SRCIN1: variants seen among roughly 807,000 people sequenced by gnomAD.
SRCIN1 encodes the protein P130Cas-associated protein.
A neutral mutation model predicts 116.2 loss-of-function variants in SRCIN1; 50 were observed. The ratio of observed to expected loss-of-function variants is 0.43; its 90% CI spans 0.34 to 0.54. The LOEUF (loss-of-function observed/expected upper bound fraction) is 0.54, where lower values mean the gene tolerates loss of function less well. SRCIN1 is among the 20% of genes least tolerant of loss of function. SRCIN1 has a pLI of 0.02. For missense variants in SRCIN1, 1,446 were observed against 1,672.0 expected, an observed-to-expected ratio of 0.86 and a Z score of 2.36; for synonymous variants, 736 against 750.0, an observed-to-expected ratio of 0.98 and a Z score of 0.30.
At chr17:38,605,992 G>GGC (rs1451953577), upstream of SRCIN1, 15 of 144,032 alleles carry the variant, frequency 1.0e-4, no homozygotes, top group Admixed American at 8.9e-4. Context: ...ACTGCGGGCG[G>GGC]GCGCGCGCGC....
Position 38,563,571 on chromosome 17 carries a change from C to G in SRCIN1, c.542-50G>C. ...TGTCACTGCTGCCGTCTCCACGCCG[C>G]CCTCCAGGAGAGCGCGGGGAGCTTT... On this transcript the variant is annotated intron_variant, in intron 4 of 18. Coordinates refer to ENST00000617146, the MANE Select transcript of SRCIN1 (RefSeq NM_025248.3). This position sits in a 1 kb window ranked among gnomAD's most constrained non-coding sequence, Gnocchi z 5.8. 1 of 1,538,188 alleles carries G rather than the reference C, an allele frequency of 6.5e-7. No individual in the cohort carries two copies. Among genetic ancestry groups the G allele is most frequent in the Non-Finnish European group, 8.7e-7 (1 of 1,145,778 alleles).
chr17:38,577,030 A>G (rs1289624687), intron 2 of SRCIN1, among the ~76,000 whole-genome samples: 2 of 152,166 alleles, frequency 1.3e-5, no homozygotes, highest in African/African-American at 2.4e-5. Context: ...CCTCTGTGCC[A>G]GTTCCCAAAC....
intron 11 of SRCIN1, among the ~76,000 whole-genome samples, chr17:38,556,311 T>TA (rs993243043): frequency 6.6e-6 from 1 of 152,386 alleles, no homozygotes; most frequent in South Asian, 2.1e-4. Context: ...GTGGCATACC[T>TA]ACAAAGCTGG....
chr17:38,542,867 C>A (rs1308657756), intron 18 of SRCIN1: 8 of 338,700 alleles, frequency 2.4e-5, no homozygotes, highest in Non-Finnish European at 4.7e-5. Flanking sequence ...AGTCTAGAAC[C>A]TTCTCTAACG....
Position 38,559,847 on chromosome 17 carries a change from T to TCC in SRCIN1, c.1838-77_1838-76dup, listed in dbSNP as rs1302720624. 2.8e-6 allele frequency: 4 copies of TCC among 1,444,918 alleles called. No homozygotes were observed. The Admixed American group carries it at 7.5e-5, about 27-fold the overall frequency. The allele number at this position is 1,444,918 out of a possible 1,614,324, so 89.5% of individuals were successfully genotyped here. The stretch of plus-strand genomic sequence containing the variant: ...GAAGGACTGGGCTGGGACAAAGTCC[T>TCC]CCCTACTCTCCGACCCCACACAGTA... On this transcript the variant is annotated intron_variant, in intron 9 of 18. Coordinates refer to ENST00000617146, the MANE Select transcript of SRCIN1 (RefSeq NM_025248.3).
intron 11 of SRCIN1, among the ~76,000 whole-genome samples, chr17:38,553,169 A>G (rs1038890695): frequency 2.6e-5 from 4 of 152,110 alleles, no homozygotes; most frequent in Non-Finnish European, 4.4e-5. Context: ...GGCAGGGGGA[A>G]TCACTTGAGC....
chr17:38,586,730 G>GCAAA (rs1908136052), intron 1 of SRCIN1, among the ~76,000 whole-genome samples: 2 of 152,220 alleles, frequency 1.3e-5, no homozygotes, highest in African/African-American at 4.8e-5. Flanking sequence ...CAGCTAGGGA[G>GCAAA]GGTGCAGGGC....
chr17:38,550,734 T>C lies in SRCIN1; in HGVS notation c.2962+421A>G, dbSNP rs115579470. Among the ~76,000 whole-genome samples the C allele has an allele frequency of 8.0e-3, 1,216 of 152,348 alleles. 16 individuals carry two copies. The highest frequency in any genetic ancestry group is 0.029 in the African/African-American group (1,185 of 41,574). On this transcript the variant is annotated intron_variant, in intron 15 of 18. Coordinates refer to ENST00000617146, the MANE Select transcript of SRCIN1 (RefSeq NM_025248.3). ...AGGAATGAATAAAATGAAGGAATGA[T>C]GACTGCCACTTCTGGTCTGGATTTC...
chr17:38,582,764 C>T (rs767876129), intron 1 of SRCIN1, among the ~76,000 whole-genome samples: 2 of 152,160 alleles, frequency 1.3e-5, no homozygotes, highest in Non-Finnish European at 2.9e-5. Flanking sequence ...AGCTGAGGCT[C>T]GGGGAGAAGG....
chr17:38,552,425 C>A lies in SRCIN1; in HGVS notation c.2480+22G>T. ...CCCGGTGTGTGAACCCATGGGAAAT[C>A]AGAGGTCAGGGACAGAATGACCTTC... On this transcript the variant is annotated intron_variant, in intron 13 of 18. Coordinates refer to ENST00000617146, the MANE Select transcript of SRCIN1 (RefSeq NM_025248.3). This position sits in a 1 kb window ranked among gnomAD's most constrained non-coding sequence, Gnocchi z 5.3. 6.3e-7 allele frequency: 1 copy of A among 1,588,760 alleles called. No individual in the cohort carries two copies. The highest frequency in any genetic ancestry group is 8.6e-7 in the Non-Finnish European group (1 of 1,168,920).
At position 38,600,658 on chromosome 17, in the gene SRCIN1, G is replaced by A. The variant is rs532965155; in HGVS notation, c.22+5026C>T. 3.9e-3 allele frequency among the ~76,000 whole-genome samples: 588 copies of A among 152,350 alleles called. 1 individual carries two copies. The highest frequency in any genetic ancestry group is 6.6e-3 in the South Asian group (32 of 4,832). On this transcript the variant is annotated intron_variant, in intron 1 of 18. Coordinates refer to ENST00000617146, the MANE Select transcript of SRCIN1 (RefSeq NM_025248.3). ...CTAAGCTCCCGGCAGAGGGCTAGCA[G>A]GCCCTGGAGGGTGCACAGCCTCAAG...
Position 38,543,885 on chromosome 17 carries a change from G to A in SRCIN1, c.3355C>T (p.Pro1119Ser). 1 of 1,607,496 alleles carries A rather than the reference G, an allele frequency of 6.2e-7. No individual in the cohort carries two copies. Among genetic ancestry groups the A allele is most frequent in the Non-Finnish European group, 8.5e-7 (1 of 1,179,748 alleles). Residue 1119 changes from proline (P) to serine (S), a missense_variant, in exon 18 of 19, where the codon CCC becomes TCC. Around this residue, in one of 5 missense-constraint regions of SRCIN1, gnomAD observed 531 missense variants for 633.9 expected, o/e 0.84. Transcript: ENST00000617146. ...LKAAQGQAGS[P>S]DKSKHGKQRA... ...TGCTTGCCATGTTTGCTTTTGTCGG[G>A]GCTGCCCGCCTGGCCCTGGGCCGCC...
intron 18 of SRCIN1, among the ~76,000 whole-genome samples, chr17:38,538,972 G>A (rs961496592): frequency 6.6e-6 from 1 of 152,134 alleles, no homozygotes; most frequent in Non-Finnish European, 1.5e-5. Flanking sequence ...TGTAAGACCC[G>A]GCGCCCAACA....
intron 2 of SRCIN1, among the ~76,000 whole-genome samples, chr17:38,569,373 CAGACA>C (rs145633098): frequency 2.0e-3 from 302 of 152,300 alleles, no homozygotes; most frequent in African/African-American, 7.0e-3. Context: ...CTGGCACGAG[CAGACA>C]AGATCCCCAG....
At chr17:38,580,309 C>T (rs1219516554) in intron 1 of SRCIN1, among the ~76,000 whole-genome samples, 1 of 152,200 alleles carries the variant, frequency 6.6e-6, no homozygotes, top group African/African-American at 2.4e-5. Flanking sequence ...CACACATACA[C>T]ACCCCTCCCT....
chr17:38,565,398 T>A (rs188921951), intron 3 of SRCIN1, among the ~76,000 whole-genome samples: 1 of 152,364 alleles, frequency 6.6e-6, no homozygotes, highest in East Asian at 1.9e-4. Flanking sequence ...ATAATCATGT[T>A]GCCCAATTAT....
chr17:38,578,430 C>A (rs969794754), intron 2 of SRCIN1, 60 bp downstream of exon 2: 7 of 1,510,274 alleles, frequency 4.6e-6, no homozygotes, highest in Middle Eastern at 2.0e-4. Context: ...CGGGGTCAGA[C>A]CTCCTCCCCT....
intron 18 of SRCIN1, among the ~76,000 whole-genome samples, chr17:38,541,126 C>A (rs779814937): frequency 2.0e-5 from 3 of 151,838 alleles, no homozygotes; most frequent in Non-Finnish European, 4.4e-5. Flanking sequence ...GTAATCCCAG[C>A]TACTCGGGAG....
At position 38,559,651 on chromosome 17, in the gene SRCIN1, G is replaced by A; in HGVS notation, c.1959C>T (p.His653=). The A allele has an allele frequency of 6.2e-7, 1 of 1,602,876 alleles. No homozygotes were observed. The highest frequency in any genetic ancestry group is 8.5e-7 in the Non-Finnish European group (1 of 1,179,318). Residue 653 remains histidine (H), a synonymous_variant, in exon 10 of 19, where the codon CAC becomes CAT. Transcript: ENST00000617146. ...TGGCGCTGTTCTGCAGGCCTCGCAG[G>A]TGAAGCTGCATCTGCAGCCGGCTAA... ...TAVSRLQMQL[H]LRGLQNSASD...
Sources: allele counts gnomAD v4.1 joint callset (sites outside exome capture counted in the v4.1 genomes callset), GRCh38; gene constraint gnomAD v4.1.1; regional missense constraint gnomAD v4.1.1; non-coding constraint Gnocchi (gnomAD v3.1); transcripts MANE v1.5; gene names NCBI Gene and HGNC (gene_info 2026-07-23, HGNC 2026-07-21).